PTPRN2: variants seen among roughly 807,000 people sequenced by gnomAD.
PTPRN2 encodes protein tyrosine phosphatase receptor type N2.
PTPRN2 carries 74 observed loss-of-function variants against 118.8 expected under a neutral mutation model. That is an observed-to-expected ratio of 0.62 (90% CI 0.52 to 0.76). The LOEUF is 0.76. PTPRN2 is among the 30% of genes least tolerant of loss of function. The probability of loss-of-function intolerance (pLI) is 0.00; values close to 1 mark genes in which losing one functional copy is unlikely to be tolerated. For synonymous variants in PTPRN2, 641 were observed against 608.0 expected, an observed-to-expected ratio of 1.05 and a Z score of -0.80; for missense variants, 1,481 against 1,394.4, an observed-to-expected ratio of 1.06 and a Z score of -0.99.
In PTPRN2 at chr7:157,610,754, A is replaced by G. The variant is rs1802280389; in HGVS notation, c.2345-6679T>C. Among the ~76,000 whole-genome samples, 1 of 152,252 alleles carries G rather than the reference A, an allele frequency of 6.6e-6. No individual in the cohort carries two copies. The highest frequency in any genetic ancestry group is 1.5e-5 in the Non-Finnish European group (1 of 68,044). The stretch of plus-strand genomic sequence containing the variant: ...ACCTGGGCACTTGAAGACCAGCAAC[A>G]GCGTGATGACAGAACGCATTCTGAA... On this transcript the variant is annotated intron_variant, in intron 15 of 22. Coordinates refer to ENST00000389418, the MANE Select transcript of PTPRN2 (RefSeq NM_002847.5). The surrounding 1 kb of genome is among the most constrained non-coding windows in gnomAD (Gnocchi z 5.1).
intron 13 of PTPRN2, among the ~76,000 whole-genome samples, chr7:157,667,364 GCAA>G (rs1424064706): frequency 2.0e-5 from 3 of 150,434 alleles, no homozygotes; most frequent in African/African-American, 7.5e-5. Flanking sequence ...TCAGGTGGGT[GCAA>G]CGAGTACACA....
chr7:157,886,077 T>C (rs1212716677), intron 12 of PTPRN2, among the ~76,000 whole-genome samples: 2 of 152,238 alleles, frequency 1.3e-5, no homozygotes, highest in Non-Finnish European at 2.9e-5. Flanking sequence ...GTTGACCCAC[T>C]GAAAGGGGTT....
At chr7:157,635,143 A>G (rs1031362671) in intron 14 of PTPRN2, among the ~76,000 whole-genome samples, 3 of 152,248 alleles carry the variant, frequency 2.0e-5, no homozygotes, top group African/African-American at 7.2e-5. Flanking sequence ...CATGAGGACA[A>G]AGATGTAAAT....
chr7:157,554,638 A>C (rs1798790581), intron 21 of PTPRN2, among the ~76,000 whole-genome samples: 1 of 152,262 alleles, frequency 6.6e-6, no homozygotes. Context: ...ACGAAAGTTA[A>C]ATTCCAGGGA....
At chr7:158,257,993 C>A (rs953499800) in intron 3 of PTPRN2, among the ~76,000 whole-genome samples, 8 of 152,226 alleles carry the variant, frequency 5.3e-5, no homozygotes, top group Non-Finnish European at 8.8e-5. Flanking sequence ...TCTATCCATT[C>A]TTTTTTACCT....
chr7:158,216,122 T>C (rs1267755505), intron 3 of PTPRN2, among the ~76,000 whole-genome samples: 1 of 152,202 alleles, frequency 6.6e-6, no homozygotes, highest in African/African-American at 2.4e-5. Flanking sequence ...GTAAAGTTTC[T>C]ATATTTCACC....
At chr7:157,833,780 A>G (rs1249839534) in intron 12 of PTPRN2, among the ~76,000 whole-genome samples, 1 of 152,182 alleles carries the variant, frequency 6.6e-6, no homozygotes, top group African/African-American at 2.4e-5. Context: ...AATATTTTGC[A>G]TTTCTTCTGG....
At chr7:157,689,942 G>A (rs1563348445) in intron 12 of PTPRN2, among the ~76,000 whole-genome samples, 4 of 152,210 alleles carry the variant, frequency 2.6e-5, no homozygotes, top group African/African-American at 7.2e-5. Flanking sequence ...GGGCTGAGAG[G>A]AAAATGCGCC....
At chr7:158,131,373 C>T (rs1251733421) in intron 9 of PTPRN2, among the ~76,000 whole-genome samples, 1 of 85,580 alleles carries the variant, frequency 1.2e-5, no homozygotes, top group Non-Finnish European at 2.2e-5. Context: ...ATCTACCCGA[C>T]ACACACACTC....
At chr7:157,633,893 G>A (rs1804126041) in intron 14 of PTPRN2, among the ~76,000 whole-genome samples, 1 of 152,244 alleles carries the variant, frequency 6.6e-6, no homozygotes, top group Non-Finnish European at 1.5e-5. Flanking sequence ...AGATGCTTGT[G>A]ATGGTGGTTG....
chr7:158,548,168 C>G (rs1324033154), intron 1 of PTPRN2, among the ~76,000 whole-genome samples: 1 of 152,204 alleles, frequency 6.6e-6, no homozygotes, highest in Non-Finnish European at 1.5e-5. Flanking sequence ...AGGAGCAGGA[C>G]CAGCACTGGA....
intron 12 of PTPRN2, chr7:157,863,495 G>A (rs1278856297): frequency 2.6e-5 from 4 of 152,246 alleles, no homozygotes; most frequent in African/African-American, 7.2e-5. Context: ...GGCTGGGCCA[G>A]ACTTGTGCCC....
At chr7:158,208,040 C>T in intron 3 of PTPRN2, among the ~76,000 whole-genome samples, 1 of 152,076 alleles carries the variant, frequency 6.6e-6, no homozygotes, top group Non-Finnish European at 1.5e-5. Flanking sequence ...GCAGAGTTGA[C>T]CAAGCAAGAC....
At position 157,629,626 on chromosome 7, in the gene PTPRN2, C is replaced by T. The variant is rs954226669; in HGVS notation, c.2197-8117G>A. On this transcript the variant is annotated intron_variant, in intron 14 of 22. Coordinates refer to ENST00000389418, the MANE Select transcript of PTPRN2 (RefSeq NM_002847.5). This position sits in a 1 kb window ranked among gnomAD's most constrained non-coding sequence, Gnocchi z 4.4. ...ACTCCGTGGGTCTTCGGATATGGGA[C>T]GAGTGGAAACTGTCCTGGTGAAACT... Among the ~76,000 whole-genome samples the T allele has an allele frequency of 6.6e-6, 1 of 152,140 alleles. No homozygotes were observed. Among genetic ancestry groups the T allele is most frequent in the Non-Finnish European group, 1.5e-5 (1 of 68,046 alleles).
intron 12 of PTPRN2, among the ~76,000 whole-genome samples, chr7:157,795,486 T>G (rs1263216481): frequency 3.3e-5 from 5 of 152,260 alleles, no homozygotes; most frequent in Non-Finnish European, 7.3e-5. Context: ...GCTGTCTATC[T>G]GTGGCCCTTG....
chr7:158,578,903 C>T (rs1257539766), intron 1 of PTPRN2, among the ~76,000 whole-genome samples: 2 of 152,138 alleles, frequency 1.3e-5, no homozygotes, highest in Non-Finnish European at 2.9e-5. Context: ...GCTGGGATTA[C>T]AGGCACCTGC....
At chr7:158,117,990 C>T (rs754839380) in intron 9 of PTPRN2, among the ~76,000 whole-genome samples, 11 of 152,092 alleles carry the variant, frequency 7.2e-5, no homozygotes, top group Non-Finnish European at 1.5e-4. Context: ...AAATTAAAAT[C>T]TCAATAAAGG....
In PTPRN2 at chr7:157,750,743, A is replaced by G. The variant is rs368742839; in HGVS notation, c.1789-67806T>C. 3.7e-4 allele frequency among the ~76,000 whole-genome samples: 57 copies of G among 152,344 alleles called. No individual in the cohort carries two copies. The South Asian group carries it at 0.011, about 30-fold the overall frequency. On this transcript the variant is annotated intron_variant, in intron 12 of 22. Coordinates refer to ENST00000389418, the MANE Select transcript of PTPRN2 (RefSeq NM_002847.5). ...CGAGTACCCAGTGAGCTGTTGAGAG[A>G]GAAATTCTTAAATGTACCGCAGCGT...
At chr7:158,009,628 T>C (rs558740973) in intron 11 of PTPRN2, among the ~76,000 whole-genome samples, 1 of 152,286 alleles carries the variant, frequency 6.6e-6, no homozygotes, top group South Asian at 2.1e-4. Flanking sequence ...AACCACGACA[T>C]CAAGCTGAGT....
Sources: allele counts gnomAD v4.1 joint callset (sites outside exome capture counted in the v4.1 genomes callset), GRCh38; gene constraint gnomAD v4.1.1; non-coding constraint Gnocchi (gnomAD v3.1); transcripts MANE v1.5; gene names NCBI Gene and HGNC (gene_info 2026-07-23, HGNC 2026-07-21).